RGS5: variants seen among roughly 807,000 people sequenced by gnomAD.
RGS5 encodes regulator of G-protein signalling 5.
A neutral mutation model predicts 18.9 loss-of-function variants in RGS5; 20 were observed. The observed-to-expected ratio is 1.06, with a 90% confidence interval of 0.74 to 1.54. The LOEUF (loss-of-function observed/expected upper bound fraction) is 1.54. RGS5 is among the 40% of genes most tolerant of loss of function. The pLI is 0.00. For missense variants in RGS5, 201 were observed against 211.8 expected (o/e 0.95, Z 0.32); for synonymous variants, 57 against 76.2 (o/e 0.75, Z 1.31).
chr1:163,269,098 T>A (rs188695768), intron 2 of RGS5, among the ~76,000 whole-genome samples: 2 of 152,290 alleles, frequency 1.3e-5, no homozygotes, highest in African/African-American at 4.8e-5. Flanking sequence ...CAAATTTGCT[T>A]ACAAAGATAA....
chr1:163,159,018 G>A lies in RGS5; in HGVS notation c.217+2897C>T, dbSNP rs1048871906. Among the ~76,000 whole-genome samples the A allele has an allele frequency of 3.9e-5, 6 of 152,270 alleles. No individual in the cohort carries two copies. In the East Asian group the frequency reaches 7.7e-4, roughly 20 times the overall value. On this transcript the variant is annotated intron_variant, in intron 3 of 4. Transcript: ENST00000313961. ...TCCTAGCTGAGAAAAAGAATTCAGC[G>A]ATATTTCTCCCATTTGCTTTTGAAA...
intron 1 of RGS5, among the ~76,000 whole-genome samples, chr1:163,186,578 CAAAAAAAAA>C (rs34092786): frequency 1.0e-5 from 1 of 95,972 alleles, no homozygotes; most frequent in Non-Finnish European, 2.0e-5. Flanking sequence ...GACTCTGTCT[CAAAAAAAAA>C]AAAAAAAAAA....
At chr1:163,280,064 G>T (rs1648952206) in intron 2 of RGS5, among the ~76,000 whole-genome samples, 1 of 152,062 alleles carries the variant, frequency 6.6e-6, no homozygotes, top group South Asian at 2.1e-4. Context: ...CTTTACTGAT[G>T]AATTCTACCA....
intron 3 of RGS5, among the ~76,000 whole-genome samples, chr1:163,155,698 C>T (rs987650059): frequency 1.3e-5 from 2 of 152,168 alleles, no homozygotes; most frequent in Non-Finnish European, 2.9e-5. Flanking sequence ...CTGCAAAGAA[C>T]ACACATTTCT....
At chr1:163,258,427 T>A (rs2101703604) in intron 2 of RGS5, among the ~76,000 whole-genome samples, 1 of 152,270 alleles carries the variant, frequency 6.6e-6, no homozygotes, top group East Asian at 1.9e-4. Flanking sequence ...TCATTCAGGA[T>A]CCCAAAGCCA....
At chr1:163,172,299 T>C (rs904567350) in intron 1 of RGS5, among the ~76,000 whole-genome samples, 6 of 152,224 alleles carry the variant, frequency 3.9e-5, no homozygotes, top group African/African-American at 7.2e-5. Flanking sequence ...TCCTATCATA[T>C]GAACACAATG....
chr1:163,165,831 G>A (rs536527219), intron 2 of RGS5, among the ~76,000 whole-genome samples: 63 of 152,174 alleles, frequency 4.1e-4, no homozygotes, highest in Non-Finnish European at 7.5e-4. Flanking sequence ...GCTTGAACCC[G>A]GGAGGTGGAG....
intron 1 of RGS5, among the ~76,000 whole-genome samples, chr1:163,169,856 G>C (rs1323604046): frequency 6.6e-6 from 1 of 152,036 alleles, no homozygotes; most frequent in Non-Finnish European, 1.5e-5. Context: ...ATGGCTGTCA[G>C]ACTATCTTAT....
chr1:163,226,101 G>A (rs556469087), intron 2 of RGS5, among the ~76,000 whole-genome samples: 1 of 150,864 alleles, frequency 6.6e-6, no homozygotes, highest in South Asian at 2.1e-4. Flanking sequence ...TGTGTTTTTA[G>A]TAGAGATGGG....
At chr1:163,240,583 C>A (rs1401047049) in intron 2 of RGS5, among the ~76,000 whole-genome samples, 1 of 152,130 alleles carries the variant, frequency 6.6e-6, no homozygotes, top group Admixed American at 6.5e-5. Flanking sequence ...GAGTTGTGAT[C>A]ACAGCTCACT....
At chr1:163,262,480 T>C (rs1236035477) in intron 2 of RGS5, among the ~76,000 whole-genome samples, 19 of 66,278 alleles carry the variant, frequency 2.9e-4, no homozygotes, top group African/African-American at 1.0e-3. Flanking sequence ...CTACAAAGGA[T>C]ATGAACTCAT....
intron 2 of RGS5, among the ~76,000 whole-genome samples, chr1:163,302,030 T>C (rs1282549588): frequency 2.0e-5 from 3 of 150,480 alleles, no homozygotes; most frequent in East Asian, 3.9e-4. Context: ...CAGATAGATA[T>C]GCTGTTTTTT....
chr1:163,262,151 CTTTT>C (rs532698783), intron 2 of RGS5, among the ~76,000 whole-genome samples: 1 of 121,122 alleles, frequency 8.3e-6, no homozygotes. Context: ...AGTTTTGAAA[CTTTT>C]TTTTTTTTTT....
chr1:163,297,253 G>A (rs61812188), intron 2 of RGS5, among the ~76,000 whole-genome samples: 16,928 of 152,214 alleles, frequency 0.11, 1,255 homozygotes, highest in South Asian at 0.21. Context: ...CATGGTGCTT[G>A]TGCTGTGTGC....
At chr1:163,155,466 T>G (rs963643130) in intron 3 of RGS5, among the ~76,000 whole-genome samples, 3 of 152,202 alleles carry the variant, frequency 2.0e-5, no homozygotes, top group Non-Finnish European at 4.4e-5. Flanking sequence ...TGTATTCGTC[T>G]GCAAGATGTG....
At chr1:163,289,172 C>A (rs954083656) in intron 2 of RGS5, among the ~76,000 whole-genome samples, 1 of 151,904 alleles carries the variant, frequency 6.6e-6, no homozygotes, top group African/African-American at 2.4e-5. Context: ...TCAATGTTGC[C>A]CTGTAAGACT....
chr1:163,153,395 C>T (rs1390189224), intron 3 of RGS5, among the ~76,000 whole-genome samples: 3 of 152,108 alleles, frequency 2.0e-5, no homozygotes, highest in South Asian at 4.1e-4. Context: ...AGAGTCCTGA[C>T]TTCATTTTAG....
chr1:163,180,693 T>TTTTTA (rs1553215944), intron 1 of RGS5, among the ~76,000 whole-genome samples: 1 of 122,426 alleles, frequency 8.2e-6, no homozygotes, highest in Non-Finnish European at 1.7e-5. Context: ...CCTGTTTTTT[T>TTTTTA]TTTTTTTTTT....
chr1:163,280,896 G>C (rs562957921), intron 2 of RGS5, among the ~76,000 whole-genome samples: 17 of 152,134 alleles, frequency 1.1e-4, no homozygotes, highest in Non-Finnish European at 2.5e-4. Context: ...TAGTACATTT[G>C]CATTAGTATA....
Sources: allele counts gnomAD v4.1 joint callset (sites outside exome capture counted in the v4.1 genomes callset), GRCh38; gene constraint gnomAD v4.1.1; transcripts MANE v1.5; gene names NCBI Gene and HGNC (gene_info 2026-07-23, HGNC 2026-07-21).